GRID2: variants seen among roughly 807,000 people sequenced by gnomAD.
GRID2 encodes the protein glutamate receptor ionotropic, delta-2.
In GRID2, 33 loss-of-function variants were observed where a neutral mutation model predicts 114.8. The observed-to-expected ratio is 0.29, with a 90% CI of 0.22 to 0.38. The LOEUF (loss-of-function observed/expected upper bound fraction) is 0.38. GRID2 is among the 10% of genes least tolerant of loss of function. The pLI is 1.00. For missense variants in GRID2, 1,184 were observed against 1,257.7 expected, an observed-to-expected ratio of 0.94 and a Z score of 0.89; for synonymous variants, 505 against 449.9, an observed-to-expected ratio of 1.12 and a Z score of -1.55.
At chr4:93,653,658 T>A (rs914145545) in intron 14 of GRID2, among the ~76,000 whole-genome samples, 4 of 151,450 alleles carry the variant, frequency 2.6e-5, no homozygotes, top group Non-Finnish European at 4.4e-5. Context: ...GAGGAAGGAG[T>A]GGAAATGGGG....
chr4:93,141,532 G>T (rs1194240556), intron 4 of GRID2, among the ~76,000 whole-genome samples: 2 of 151,910 alleles, frequency 1.3e-5, no homozygotes, highest in African/African-American at 4.8e-5. Context: ...GAAAACTAAG[G>T]TATACAGGGT....
chr4:92,996,727 G>T (rs932208116), intron 2 of GRID2, among the ~76,000 whole-genome samples: 2 of 152,162 alleles, frequency 1.3e-5, no homozygotes, highest in African/African-American at 4.8e-5. Flanking sequence ...AAATGATAGT[G>T]TACTTACAAG....
intron 2 of GRID2, among the ~76,000 whole-genome samples, chr4:93,074,522 A>T (rs1729088415): frequency 6.6e-6 from 1 of 152,182 alleles, no homozygotes; most frequent in Admixed American, 6.5e-5. Context: ...GGAAATTTAT[A>T]GGACTAAATG....
chr4:93,772,844 A>G lies in GRID2; in HGVS notation c.*346A>G, dbSNP rs71599293. On this transcript the variant is annotated 3_prime_UTR_variant, in exon 16 of 16. Transcript: ENST00000282020. ...AAAGTATATGCAGGATTAATTTTACATAAAGGCCTCTTCTGTAACATTTCT... is the reference window on the plus strand; with the variant it reads ...AAAGTATATGCAGGATTAATTTTACGTAAAGGCCTCTTCTGTAACATTTCT... The G allele has an allele frequency of 2.2e-3, 458 of 207,030 alleles. No individual in the cohort carries two copies. The highest frequency in any genetic ancestry group is 9.2e-3 in the Middle Eastern group (5 of 544). 12.8% of individuals were successfully genotyped at this position (207,030 alleles called of 1,614,324 possible). A position where few individuals can be genotyped will look rare whatever the true frequency, so the allele number is the denominator to read the frequency against.
chr4:93,290,662 TA>T (rs1753638011), intron 8 of GRID2, among the ~76,000 whole-genome samples: 1 of 152,020 alleles, frequency 6.6e-6, no homozygotes, highest in East Asian at 1.9e-4. Context: ...TATCTGGTAG[TA>T]TTTGTGGTTT....
intron 13 of GRID2, among the ~76,000 whole-genome samples, chr4:93,580,319 T>TA (rs1201724519): frequency 2.0e-5 from 3 of 152,214 alleles, no homozygotes; most frequent in African/African-American, 7.2e-5. Context: ...TATTATCTTA[T>TA]TCTTCCCCGT....
At chr4:93,100,697 C>G (rs1417357063) in intron 3 of GRID2, among the ~76,000 whole-genome samples, 1 of 151,944 alleles carries the variant, frequency 6.6e-6, no homozygotes, top group Non-Finnish European at 1.5e-5. Flanking sequence ...AAGCCTTTTT[C>G]TACTCCAAGT....
chr4:93,183,003 C>T (rs1048833162), intron 4 of GRID2, among the ~76,000 whole-genome samples: 7 of 152,194 alleles, frequency 4.6e-5, no homozygotes, highest in Non-Finnish European at 1.0e-4. Flanking sequence ...TTGAGAAAGA[C>T]TATACTGGCC....
At position 92,586,395 on chromosome 4, in the gene GRID2, TAC is replaced by T. The variant is rs1308218018; in HGVS notation, c.89-3726_89-3725del. Among the ~76,000 whole-genome samples the T allele has an allele frequency of 1.8e-5, 2 of 114,172 alleles. 1 individual carries two copies. The highest frequency in any genetic ancestry group is 3.8e-5 in the Non-Finnish European group (2 of 52,496). The allele number at this position is 114,172 out of a possible 152,430, so 74.9% of individuals were successfully genotyped here. ...ACACACACACACACACACACACACA[TAC>T]ACACACACAGACACCAAGCATATAT... On this transcript the variant is annotated intron_variant, in intron 1 of 15. Transcript: ENST00000282020.
intron 14 of GRID2, among the ~76,000 whole-genome samples, chr4:93,682,727 A>C (rs1725689047): frequency 6.7e-6 from 1 of 148,996 alleles, no homozygotes; most frequent in African/African-American, 2.5e-5. Flanking sequence ...TGGGAATTGC[A>C]CAATGAGAAC....
At chr4:93,028,933 T>C (rs955134956) in intron 2 of GRID2, among the ~76,000 whole-genome samples, 1 of 152,068 alleles carries the variant, frequency 6.6e-6, no homozygotes, top group African/African-American at 2.4e-5. Flanking sequence ...AAAATTTTCA[T>C]GCACATAAAT....
At chr4:92,495,568 C>G (rs1291986496) in intron 1 of GRID2, among the ~76,000 whole-genome samples, 1 of 151,826 alleles carries the variant, frequency 6.6e-6, no homozygotes, top group Non-Finnish European at 1.5e-5. Context: ...ATTAAGGGAA[C>G]TAACAGAAAT....
chr4:93,170,943 C>T (rs1287560729), intron 4 of GRID2, among the ~76,000 whole-genome samples: 1 of 151,772 alleles, frequency 6.6e-6, no homozygotes, highest in African/African-American at 2.4e-5. Context: ...CTGCTCGGTA[C>T]TTCAGCACTA....
chr4:92,942,210 C>G (rs1751204222), intron 2 of GRID2, among the ~76,000 whole-genome samples: 1 of 152,120 alleles, frequency 6.6e-6, no homozygotes, highest in Non-Finnish European at 1.5e-5. Context: ...GTCTAAGTCT[C>G]TTTGTAGGTC....
chr4:92,408,915 A>C (rs1731162391), intron 1 of GRID2, among the ~76,000 whole-genome samples: 1 of 152,116 alleles, frequency 6.6e-6, no homozygotes. Context: ...TCATTGAAAA[A>C]GACAGATTGA....
At chr4:92,400,163 A>G (rs1730717526) in intron 1 of GRID2, among the ~76,000 whole-genome samples, 2 of 152,164 alleles carry the variant, frequency 1.3e-5, no homozygotes, top group Admixed American at 1.3e-4. Context: ...CATTTTTAGT[A>G]TATTCACAAA....
rs528053871 is a variant in GRID2, at chr4:92,677,379, C to T, written c.244+87093C>T. Among the ~76,000 whole-genome samples, 9 of 152,262 alleles carry T rather than the reference C, an allele frequency of 5.9e-5. No individual in the cohort carries two copies. In the South Asian group the frequency reaches 1.9e-3, roughly 32 times the overall value. On this transcript the variant is annotated intron_variant, in intron 2 of 15. Coordinates refer to ENST00000282020, the MANE Select transcript of GRID2 (RefSeq NM_001510.4). ...AGATCAGAGGAATAAGACAACTTGG[C>T]AGGAACCTTATGAAAAGGATTCTGC... is the stretch of plus-strand genomic sequence containing the variant.
intron 9 of GRID2, among the ~76,000 whole-genome samples, chr4:93,417,836 A>G (rs1022432650): frequency 6.6e-6 from 1 of 151,728 alleles, no homozygotes; most frequent in Non-Finnish European, 1.5e-5. Flanking sequence ...GTACCACAAT[A>G]TATTTATCTT....
intron 3 of GRID2, among the ~76,000 whole-genome samples, chr4:93,100,177 A>G (rs1731575913): frequency 6.6e-6 from 1 of 151,878 alleles, no homozygotes; most frequent in Non-Finnish European, 1.5e-5. Flanking sequence ...CATAAGTAAA[A>G]TGTTCTTAAC....
Sources: gnomAD v4.1 joint callset for allele counts (sites outside exome capture counted in the v4.1 genomes callset) on GRCh38, gnomAD v4.1.1 for gene constraint, MANE v1.5 for transcripts, NCBI Gene and HGNC (gene_info 2026-07-23, HGNC 2026-07-21) for gene names.